C2orf15: variants seen among roughly 807,000 people sequenced by gnomAD.
C2orf15 encodes chromosome 2 open reading frame 15, also known as uncharacterized protein C2orf15.
In C2orf15, 3 loss-of-function variants were observed where a neutral mutation model predicts 4.4. That is an observed-to-expected ratio of 0.67 (90% CI 0.31 to 1.74). The LOEUF (loss-of-function observed/expected upper bound fraction) is 1.74. Among genes scored for constraint, C2orf15 ranks in the 40% most tolerant of loss-of-function variants. The pLI is 0.09. For missense variants in C2orf15, 90 were observed against 103.3 expected, an observed-to-expected ratio of 0.87 and a Z score of 0.56; for synonymous variants, 37 against 36.8, an observed-to-expected ratio of 1.00 and a Z score of -0.02.
chr2:99,150,307 A>G (rs905386860), intron 3 of C2orf15, among the ~76,000 whole-genome samples, 176 bp from the exon 4 acceptor site: 19 of 152,228 alleles, frequency 1.2e-4, no homozygotes, highest in Admixed American at 5.9e-4. Flanking sequence ...AAGACTTTCA[A>G]ATAAATCTTT....
rs1485215791 is a variant in C2orf15, at chr2:99,150,811, C to T, written c.253C>T (p.Leu85=). The change falls in exon 4 of 4, where the codon CTA becomes TTA. Residue 85 remains leucine, a synonymous_variant. Coordinates refer to ENST00000650052, the MANE Select transcript of C2orf15 (RefSeq NM_144706.4). ...SVVYVKESDG[L]EMTDVE ...GGTATATGTCAAAGAAAGTGATGGA[C>T]TAGAAATGACAGATGTGGAATGAAG... 3 of 1,591,176 alleles carry T rather than the reference C, an allele frequency of 1.9e-6. No homozygotes were observed. The highest frequency in any genetic ancestry group is 2.3e-5 in the South Asian group (2 of 86,642).
chr2:99,150,523 C>A lies in C2orf15; in HGVS notation c.-36C>A, dbSNP rs764829417. On this transcript the variant is annotated 5_prime_UTR_variant, in exon 4 of 4. Transcript: ENST00000650052. ...AACACTTCCACTACTTAAAAAGGTA[C>A]CTGCAAATTACTTTCACATTTGTTC... The A allele has an allele frequency of 8.2e-6, 13 of 1,591,768 alleles. No individual in the cohort carries two copies. In the African/African-American group the frequency reaches 8.2e-5, roughly 10 times the overall value.
At chr2:99,142,668 G>T (rs2093582227) in intron 2 of C2orf15, among the ~76,000 whole-genome samples, 1 of 152,084 alleles carries the variant, frequency 6.6e-6, no homozygotes, top group Non-Finnish European at 1.5e-5. Flanking sequence ...ACATATCCTC[G>T]GAAATGTAAT....
intron 2 of C2orf15, among the ~76,000 whole-genome samples, chr2:99,144,017 CCTTT>C (rs1203239667): frequency 9.3e-6 from 1 of 107,070 alleles, no homozygotes; most frequent in African/African-American, 2.7e-5. Context: ...ATGCTGTGTT[CCTTT>C]TTTTTGTTTG....
At chr2:99,144,648 T>TAAAAAA (rs2093613310) in intron 2 of C2orf15, among the ~76,000 whole-genome samples, 1 of 15,760 alleles carries the variant, frequency 6.3e-5, no homozygotes, top group African/African-American at 1.4e-4. Context: ...AAACTCTGTC[T>TAAAAAA]CAAAAAAAAA....
Position 99,141,771 on chromosome 2 carries a change from A to G in C2orf15, c.-452A>G, listed in dbSNP as rs377409870. Reference sequence around the variant, plus strand: ...TGCTTCGCGGCGGTGGCTTTGTGCCACTTTTCCCAGGGCTTGGGCATCATT... The same window carrying G: ...TGCTTCGCGGCGGTGGCTTTGTGCCGCTTTTCCCAGGGCTTGGGCATCATT... On this transcript the variant is annotated 5_prime_UTR_variant, in exon 1 of 4. Transcript: ENST00000650052. 1.2e-4 allele frequency: 19 copies of G among 152,874 alleles called. No individual in the cohort carries two copies. The East Asian group carries it at 3.1e-3, about 25-fold the overall frequency. The allele number at this position is 152,874 out of a possible 1,614,324, so 9.5% of individuals were successfully genotyped here. A position where few individuals can be genotyped will look rare whatever the true frequency, so the allele number is the denominator to read the frequency against.
intron 2 of C2orf15, among the ~76,000 whole-genome samples, chr2:99,142,668 G>A (rs2093582227): frequency 1.3e-5 from 2 of 152,084 alleles, no homozygotes; most frequent in Non-Finnish European, 2.9e-5. Context: ...ACATATCCTC[G>A]GAAATGTAAT....
chr2:99,151,345 C>T lies in C2orf15; in HGVS notation c.*511C>T, dbSNP rs2093691778. The T allele has an allele frequency of 6.6e-6, 1 of 152,054 alleles. No individual in the cohort carries two copies. Among genetic ancestry groups the T allele is most frequent in the South Asian group, 2.1e-4 (1 of 4,850 alleles). 9.4% of individuals were successfully genotyped at this position (152,054 alleles called of 1,614,324 possible). ...AGGCATGGTGGTGGGCACCTGTGAT[C>T]CCAGCTACCTGGGAGGCTGAGGAAG... On this transcript the variant is annotated 3_prime_UTR_variant, in exon 4 of 4. Transcript: ENST00000650052.
chr2:99,146,176 G>C (rs552895970), intron 2 of C2orf15, among the ~76,000 whole-genome samples: 1 of 152,142 alleles, frequency 6.6e-6, no homozygotes, highest in African/African-American at 2.4e-5. Flanking sequence ...CCAGCTACTC[G>C]GGAGGCCTCA....
intron 3 of C2orf15, chr2:99,148,126 C>T (rs2093650891): frequency 6.6e-6 from 1 of 152,150 alleles, no homozygotes; most frequent in Non-Finnish European, 1.5e-5. Context: ...TCTTTCATAA[C>T]ATTGACATTT....
At chr2:99,143,133 C>CTT (rs10605521) in intron 2 of C2orf15, among the ~76,000 whole-genome samples, 43 of 82,154 alleles carry the variant, frequency 5.2e-4, no homozygotes, top group African/African-American at 9.1e-4. Context: ...CCAACTAAAC[C>CTT]TTTTTTTTTT....
At position 99,144,649 on chromosome 2, in the gene C2orf15, C is replaced by CAAAAAAAAAAAAAA. The variant is rs70940140; in HGVS notation, c.-169+2257_-169+2270dup. 4.8e-4 allele frequency among the ~76,000 whole-genome samples: 25 copies of CAAAAAAAAAAAAAA among 52,256 alleles called. 2 individuals carry two copies. Among genetic ancestry groups the CAAAAAAAAAAAAAA allele is most frequent in the African/African-American group, 6.4e-4 (9 of 14,122 alleles). The allele number at this position is 52,256 out of a possible 152,430, so 34.3% of individuals were successfully genotyped here. A position where few individuals can be genotyped will look rare whatever the true frequency, so the allele number is the denominator to read the frequency against. ...GGGGGACAAGAACAAAACTCTGTCT[C>CAAAAAAAAAAAAAA]AAAAAAAAAAAAAAAAAAAAAAGAT... On this transcript the variant is annotated intron_variant, in intron 2 of 3. Transcript: ENST00000650052.
chr2:99,144,779 A>G (rs2093615532), intron 2 of C2orf15, among the ~76,000 whole-genome samples: 1 of 152,126 alleles, frequency 6.6e-6, no homozygotes, highest in Non-Finnish European at 1.5e-5. Context: ...AACTATCCTC[A>G]AGGGATGTGG....
rs773827615 is a variant in C2orf15 at position 99,150,737 on chromosome 2, T to C, written c.179T>C (p.Ile60Thr). The change falls in exon 4 of 4, where the codon ATT becomes ACT. Residue 60 changes from isoleucine to threonine, a missense_variant. Physicochemically the swap from Ile to Thr is moderately conservative, Grantham distance 89. Transcript: ENST00000650052. The stretch of plus-strand genomic sequence containing the variant: ...ACAAATCAAGAAAACTTTACAAGGA[T>C]TGAAGGGACTGGCACAGGATCTCTT... ...EDTNQENFTRIEGTGTGSLSG... is the reference protein window; with the variant it reads ...EDTNQENFTRTEGTGTGSLSG... 6.2e-6 allele frequency: 10 copies of C among 1,614,042 alleles called. No homozygotes were observed. The highest frequency in any genetic ancestry group is 1.7e-5 in the Admixed American group (1 of 60,024).
intron 2 of C2orf15, chr2:99,147,151 A>G (rs757508429): frequency 3.5e-6 from 1 of 281,856 alleles, no homozygotes; most frequent in Non-Finnish European, 6.5e-6. Context: ...ACTTTGTGGC[A>G]TATCTTTTTG....
chr2:99,147,251 T>C (rs924731321), intron 2 of C2orf15, 151 bp from the exon 3 acceptor site: 45 of 475,566 alleles, frequency 9.5e-5, no homozygotes, highest in Middle Eastern at 5.5e-4. Context: ...TCTTTCCACC[T>C]TGGCCTCCCA....
chr2:99,150,171 A>C (rs1225334796), intron 3 of C2orf15, among the ~76,000 whole-genome samples: 2 of 152,180 alleles, frequency 1.3e-5, no homozygotes, highest in Non-Finnish European at 2.9e-5. Flanking sequence ...TTCAGTCGTT[A>C]TTTCTTTAGC....
At chr2:99,146,682 G>A (rs2093635451) in intron 2 of C2orf15, among the ~76,000 whole-genome samples, 3 of 152,070 alleles carry the variant, frequency 2.0e-5, no homozygotes, top group Admixed American at 1.3e-4. Context: ...AGGCTGGAGT[G>A]CAATGGTATG....
chr2:99,145,640 G>A (rs1220532655), intron 2 of C2orf15, among the ~76,000 whole-genome samples: 1 of 151,888 alleles, frequency 6.6e-6, no homozygotes, highest in African/African-American at 2.4e-5. Flanking sequence ...CTCAGAGTCA[G>A]CTGATTAGCA....
Sources: allele counts gnomAD v4.1 joint callset (sites outside exome capture counted in the v4.1 genomes callset), GRCh38; gene constraint gnomAD v4.1.1; transcripts MANE v1.5; gene names NCBI Gene and HGNC (gene_info 2026-07-23, HGNC 2026-07-21).